The following ITPKB variants were observed in gnomAD, a reference collection of about 807,000 sequenced individuals.
ITPKB encodes the protein inositol-trisphosphate 3-kinase B, also known as IP3 3-kinase B.
In ITPKB, 13 loss-of-function variants were observed where a neutral mutation model predicts 69.4. The ratio of observed to expected loss-of-function variants is 0.19; its 90% CI spans 0.12 to 0.30. The LOEUF (loss-of-function observed/expected upper bound fraction) is 0.30. Among genes scored for constraint, ITPKB ranks in the 10% least tolerant of loss-of-function variants. ITPKB has a pLI of 1.00. For synonymous variants in ITPKB, 584 were observed against 513.7 expected (o/e 1.14, Z -1.85); for missense variants, 1,240 against 1,250.5 (o/e 0.99, Z 0.13).
At chr1:226,727,912 G>A (rs2102648052) in intron 2 of ITPKB, among the ~76,000 whole-genome samples, 1 of 152,326 alleles carries the variant, frequency 6.6e-6, no homozygotes. Context: ...CTATGTTTGA[G>A]ATGCTGTATC....
intron 2 of ITPKB, among the ~76,000 whole-genome samples, chr1:226,709,358 G>A (rs1011742875): frequency 4.6e-5 from 7 of 152,210 alleles, no homozygotes; most frequent in Admixed American, 3.3e-4. Flanking sequence ...CTGGGCTGCC[G>A]TGGGTGTGTC....
At chr1:226,717,669 C>T (rs2102641339) in intron 2 of ITPKB, among the ~76,000 whole-genome samples, 1 of 152,330 alleles carries the variant, frequency 6.6e-6, no homozygotes, top group Non-Finnish European at 1.5e-5. Flanking sequence ...TGGGTAAGCT[C>T]CTGTGGAGAC....
intron 2 of ITPKB, among the ~76,000 whole-genome samples, chr1:226,705,050 G>A (rs1311517987): frequency 6.6e-6 from 1 of 152,170 alleles, no homozygotes; most frequent in Admixed American, 6.5e-5. Context: ...AAAACCAGAA[G>A]GGCCTAAGAA....
intron 3 of ITPKB, among the ~76,000 whole-genome samples, chr1:226,648,219 A>G (rs1669102788): frequency 6.6e-6 from 1 of 152,206 alleles, no homozygotes; most frequent in South Asian, 2.1e-4. Context: ...CAGGGCAGAA[A>G]CTACATCTCC....
At chr1:226,670,175 C>CG (rs1669586902) in intron 2 of ITPKB, among the ~76,000 whole-genome samples, 1 of 32,006 alleles carries the variant, frequency 3.1e-5, no homozygotes, top group African/African-American at 1.1e-4. Flanking sequence ...AGCTCCGCCG[C>CG]AAAAAAAAAA....
intron 2 of ITPKB, among the ~76,000 whole-genome samples, chr1:226,682,052 C>T (rs1026249648): frequency 3.9e-5 from 6 of 152,208 alleles, no homozygotes; most frequent in Non-Finnish European, 5.9e-5. Flanking sequence ...ATCTCATCTC[C>T]AGTAGTCAAA....
intron 2 of ITPKB, among the ~76,000 whole-genome samples, chr1:226,698,981 C>T (rs1656566830): frequency 6.6e-6 from 1 of 152,260 alleles, no homozygotes; most frequent in Admixed American, 6.5e-5. Flanking sequence ...ATGAAGGACA[C>T]AGGGAAGAGG....
intron 2 of ITPKB, among the ~76,000 whole-genome samples, chr1:226,695,772 A>G (rs931106780): frequency 1.3e-5 from 2 of 152,184 alleles, no homozygotes; most frequent in African/African-American, 4.8e-5. Flanking sequence ...GAGAAGAAGG[A>G]CAGGAGGGAG....
chr1:226,639,880 G>C (rs762793092), intron 5 of ITPKB, among the ~76,000 whole-genome samples: 1 of 152,232 alleles, frequency 6.6e-6, no homozygotes, highest in Non-Finnish European at 1.5e-5. Flanking sequence ...GGGTGGCGCT[G>C]ACATCCCCAG....
At chr1:226,723,169 C>T (rs1387892750) in intron 2 of ITPKB, among the ~76,000 whole-genome samples, 3 of 152,092 alleles carry the variant, frequency 2.0e-5, no homozygotes, top group African/African-American at 7.2e-5. Context: ...TTCATCAGCT[C>T]CGTCCAGTCA....
Position 226,736,303 on chromosome 1 carries a change from C to T in ITPKB, c.1156G>A (p.Glu386Lys), listed in dbSNP as rs199687729. ...TCTGGCCTTTTGCCCACTTCAGGCT[C>T]CCCAGAGCCCGGCATGCCACAGGGC... Reference protein sequence around the residue: ...YLPCGMPGSGEPEVGKRPEET... With the variant: ...YLPCGMPGSGKPEVGKRPEET... The change falls in exon 2 of 8, where the codon GAG becomes AAG. Residue 386 changes from glutamate to lysine, a missense_variant. Coordinates refer to ENST00000429204, the MANE Select transcript of ITPKB (RefSeq NM_002221.4). 39 of 1,608,294 alleles carry T rather than the reference C, an allele frequency of 2.4e-5. No homozygotes were observed. The African/African-American group carries it at 4.9e-4, about 20-fold the overall frequency.
intron 2 of ITPKB, among the ~76,000 whole-genome samples, chr1:226,685,242 A>G (rs1322395852): frequency 2.0e-5 from 3 of 152,190 alleles, no homozygotes; most frequent in Non-Finnish European, 4.4e-5. Context: ...AGGATGTTTT[A>G]ATTTCCTTAG....
At chr1:226,639,433 G>A (rs560788505) in intron 6 of ITPKB, 124 bp downstream of exon 6, 10 of 700,816 alleles carry the variant, frequency 1.4e-5, no homozygotes, top group Admixed American at 4.3e-5. Flanking sequence ...AGAGCCCTAC[G>A]AACTCGGGCT....
chr1:226,712,557 C>A (rs897042808), intron 2 of ITPKB, among the ~76,000 whole-genome samples: 2 of 152,146 alleles, frequency 1.3e-5, no homozygotes, highest in Non-Finnish European at 2.9e-5. Context: ...GAAACAAAGA[C>A]GTTGAAGGGA....
At chr1:226,670,681 C>A (rs1012801946) in intron 2 of ITPKB, among the ~76,000 whole-genome samples, 1 of 152,182 alleles carries the variant, frequency 6.6e-6, no homozygotes, top group Non-Finnish European at 1.5e-5. Flanking sequence ...TGTACTAATA[C>A]GCATTTCTGC....
intron 5 of ITPKB, 53 bp from the exon 6 acceptor site, chr1:226,639,711 G>A (rs1452322100): frequency 1.5e-5 from 19 of 1,226,602 alleles, no homozygotes; most frequent in Non-Finnish European, 2.2e-5. Flanking sequence ...CCCTCGGGCA[G>A]AAACTGTTCT....
intron 2 of ITPKB, among the ~76,000 whole-genome samples, chr1:226,670,172 C>G (rs538431173): frequency 9.1e-5 from 7 of 76,874 alleles, no homozygotes; most frequent in African/African-American, 5.4e-4. Context: ...CCAAGCTCCG[C>G]CGCAAAAAAA....
intron 2 of ITPKB, among the ~76,000 whole-genome samples, chr1:226,706,279 T>C (rs1057490939): frequency 2.0e-5 from 3 of 152,208 alleles, no homozygotes; most frequent in Admixed American, 6.5e-5. Flanking sequence ...TAAATAAAAA[T>C]ACTTGATAGT....
At chr1:226,683,325 G>C (rs1656129209) in intron 2 of ITPKB, among the ~76,000 whole-genome samples, 1 of 152,156 alleles carries the variant, frequency 6.6e-6, no homozygotes, top group Non-Finnish European at 1.5e-5. Context: ...CTGTAGAGTT[G>C]ATGGAGCTCT....
Sources: gnomAD v4.1 joint callset for allele counts (sites outside exome capture counted in the v4.1 genomes callset) on GRCh38, gnomAD v4.1.1 for gene constraint, MANE v1.5 for transcripts, NCBI Gene and HGNC (gene_info 2026-07-23, HGNC 2026-07-21) for gene names.